Variants in CDH13 observed in about 807,000 individuals in gnomAD.
The protein encoded by CDH13 is cadherin 13.
CDH13 carries 24 observed loss-of-function variants against 63.8 expected under a neutral mutation model. The ratio of observed to expected loss-of-function variants is 0.38; its 90% CI spans 0.27 to 0.53. The LOEUF (loss-of-function observed/expected upper bound fraction) is 0.53. Among genes scored for constraint, CDH13 ranks in the 20% least tolerant of loss-of-function variants. The pLI, the probability that CDH13 is intolerant of heterozygous loss-of-function variation, is 0.85. For missense variants in CDH13, 1,049 were observed against 903.1 expected (o/e 1.16, Z -2.07); for synonymous variants, 503 against 355.3 (o/e 1.42, Z -4.67).
At chr16:83,499,565 G>A (rs901437889) in intron 7 of CDH13, among the ~76,000 whole-genome samples, 10 of 152,212 alleles carry the variant, frequency 6.6e-5, no homozygotes, top group Non-Finnish European at 1.3e-4. Flanking sequence ...AATGCTCCCT[G>A]AGAATTCCCT....
intron 1 of CDH13, among the ~76,000 whole-genome samples, chr16:82,673,688 G>T (rs142723877): frequency 1.3e-5 from 2 of 152,312 alleles, no homozygotes; most frequent in African/African-American, 2.4e-5. Flanking sequence ...TTGAGAAATC[G>T]AGTATAGTTT....
intron 7 of CDH13, among the ~76,000 whole-genome samples, chr16:83,548,223 C>A (rs2075425248): frequency 6.6e-6 from 1 of 152,230 alleles, no homozygotes. Context: ...GCAAACTCAA[C>A]AGGCCTTGGT....
chr16:82,938,031 T>G (rs999625784), intron 2 of CDH13, among the ~76,000 whole-genome samples: 1 of 152,190 alleles, frequency 6.6e-6, no homozygotes, highest in African/African-American at 2.4e-5. Context: ...CATTGTTTAA[T>G]TGAAAGAAGA....
chr16:83,387,136 A>G (rs950306994), intron 6 of CDH13, among the ~76,000 whole-genome samples: 1 of 152,196 alleles, frequency 6.6e-6, no homozygotes, highest in Non-Finnish European at 1.5e-5. Flanking sequence ...CAACCAAGTT[A>G]CAATGTCTGC....
rs139389523 is a variant in CDH13 at position 83,038,636 on chromosome 16, G to A, written c.366+6418G>A. Among the ~76,000 whole-genome samples the A allele has an allele frequency of 8.4e-4, 128 of 152,350 alleles. 1 individual carries two copies. Among genetic ancestry groups the A allele is most frequent in the African/African-American group, 2.7e-3 (112 of 41,592 alleles). ...AACAAGGATGAAACGAAAAACAGTG[G>A]ATGAGGGGTCTGCGTGTGTGTGTTT... On this transcript the variant is annotated intron_variant, in intron 3 of 13. Coordinates refer to ENST00000567109, the MANE Select transcript of CDH13 (RefSeq NM_001257.5).
intron 1 of CDH13, among the ~76,000 whole-genome samples, chr16:82,642,132 T>C (rs960160693): frequency 6.7e-6 from 1 of 148,978 alleles, no homozygotes; most frequent in Non-Finnish European, 1.5e-5. Flanking sequence ...GGCAAATGTG[T>C]GTTCACTAGT....
rs542970136 is a variant in CDH13 at position 82,868,022 on chromosome 16, C to T, written c.157+9549C>T. Among the ~76,000 whole-genome samples, 4 of 152,270 alleles carry T rather than the reference C, an allele frequency of 2.6e-5. No homozygotes were observed. In the East Asian group the frequency reaches 7.7e-4, roughly 29 times the overall value. On this transcript the variant is annotated intron_variant, in intron 2 of 13. Coordinates refer to ENST00000567109, the MANE Select transcript of CDH13 (RefSeq NM_001257.5). ...CTGGTCATTCTTCACACATCCTTTA[C>T]ATATTTTATACAAGCTTGTATTTAC...
At chr16:83,311,731 C>G (rs1285693350) in intron 5 of CDH13, among the ~76,000 whole-genome samples, 1 of 152,222 alleles carries the variant, frequency 6.6e-6, no homozygotes, top group Non-Finnish European at 1.5e-5. Flanking sequence ...CTCTTTTCTT[C>G]AAAGCCAATT....
At chr16:82,888,605 GCTTGGAGGAAGATGGC>G (rs1424475688) in intron 2 of CDH13, among the ~76,000 whole-genome samples, 3 of 152,198 alleles carry the variant, frequency 2.0e-5, no homozygotes, top group African/African-American at 7.2e-5. Context: ...GTTCAGAAAA[GCTTGGAGGAAGATGGC>G]CTTGTAGACC....
chr16:83,391,994 C>T (rs1348714488), intron 6 of CDH13, among the ~76,000 whole-genome samples: 1 of 152,138 alleles, frequency 6.6e-6, no homozygotes, highest in Non-Finnish European at 1.5e-5. Context: ...TCTATGTAGT[C>T]AGGAGCTCCA....
intron 10 of CDH13, among the ~76,000 whole-genome samples, chr16:83,719,479 A>G (rs1909392976): frequency 6.6e-6 from 1 of 152,044 alleles, no homozygotes; most frequent in Admixed American, 6.5e-5. Context: ...CGTAGCCTGA[A>G]TGTCTGTGTC....
chr16:82,909,252 ATGTGTGTGTG>A (rs10527714), intron 2 of CDH13, among the ~76,000 whole-genome samples: 2,009 of 146,936 alleles, frequency 0.014, 40 homozygotes, highest in African/African-American at 0.047. Flanking sequence ...CTGACTGTAT[ATGTGTGTGTG>A]TGTGTGTGTG....
At chr16:83,599,124 C>T (rs151038472) in intron 7 of CDH13, among the ~76,000 whole-genome samples, 1 of 152,120 alleles carries the variant, frequency 6.6e-6, no homozygotes, top group Non-Finnish European at 1.5e-5. Flanking sequence ...AACATAGGTA[C>T]CAGAAGAAGA....
rs369072006 is a variant in CDH13 at position 83,014,842 on chromosome 16, G to GTA, written c.158-17158_158-17157dup. On this transcript the variant is annotated intron_variant, in intron 2 of 13. Transcript: ENST00000567109. ...TATATATATATTTGTATATATATTTGTATATATATATTTGTATATATATAT... is the reference window on the plus strand; with the variant it reads ...TATATATATATTTGTATATATATTTGTATATATATATATTTGTATATATATAT... Among the ~76,000 whole-genome samples, 164 of 35,938 alleles carry GTA rather than the reference G, an allele frequency of 4.6e-3. 2 individuals carry two copies. The Middle Eastern group carries it at 0.048, about 11-fold the overall frequency. The allele number at this position is 35,938 out of a possible 152,430, so 23.6% of individuals were successfully genotyped here. A position where few individuals can be genotyped will look rare whatever the true frequency, so the allele number is the denominator to read the frequency against.
chr16:83,695,445 C>T (rs1417962415), intron 10 of CDH13, among the ~76,000 whole-genome samples: 4 of 152,170 alleles, frequency 2.6e-5, no homozygotes, highest in East Asian at 1.9e-4. Flanking sequence ...GTTCAACCTG[C>T]GTGGCAGATG....
chr16:82,694,374 C>T (rs2029998689), intron 1 of CDH13, among the ~76,000 whole-genome samples: 2 of 152,222 alleles, frequency 1.3e-5, no homozygotes, highest in South Asian at 4.1e-4. Context: ...GGACTGCTCA[C>T]TATCACTGCA....
chr16:83,574,733 C>A (rs1904951645), intron 7 of CDH13, among the ~76,000 whole-genome samples: 1 of 152,120 alleles, frequency 6.6e-6, no homozygotes, highest in Admixed American at 6.5e-5. Context: ...TCATACCAGG[C>A]CCTGTTAAGA....
At chr16:83,662,001 C>G (rs1743390307) in intron 8 of CDH13, among the ~76,000 whole-genome samples, 2 of 152,114 alleles carry the variant, frequency 1.3e-5, no homozygotes, top group South Asian at 4.1e-4. Context: ...CTAGGAACAT[C>G]ATTTTCCTTT....
rs548326891 is a variant in CDH13 at position 83,761,042 on chromosome 16, T to C, written c.1681+12792T>C. On this transcript the variant is annotated intron_variant, in intron 11 of 13. Transcript: ENST00000567109. Reference sequence around the variant, plus strand: ...AGAAGTGACACCATCGTTAACTTGCTACACACAGCTCAACATACTCAGTTT... The same window carrying C: ...AGAAGTGACACCATCGTTAACTTGCCACACACAGCTCAACATACTCAGTTT... Among the ~76,000 whole-genome samples the C allele has an allele frequency of 2.4e-4, 37 of 152,338 alleles. No homozygotes were observed. The South Asian group carries it at 7.0e-3, about 29-fold the overall frequency.
Sources: allele counts gnomAD v4.1 joint callset (sites outside exome capture counted in the v4.1 genomes callset), GRCh38; gene constraint gnomAD v4.1.1; transcripts MANE v1.5; gene names NCBI Gene and HGNC (gene_info 2026-07-23, HGNC 2026-07-21).